The following FAM186A variants were observed in gnomAD, a reference collection of about 807,000 sequenced individuals.
FAM186A encodes protein FAM186A.
A neutral mutation model predicts 216.8 loss-of-function variants in FAM186A; 163 were observed. That is an observed-to-expected ratio of 0.75 (90% confidence interval 0.66 to 0.86). The LOEUF is 0.86. Ranked by LOEUF, FAM186A falls within the 40% of genes least tolerant of loss-of-function variation. The probability of loss-of-function intolerance (pLI) is 0.00; values close to 1 mark genes in which losing one functional copy is unlikely to be tolerated. For synonymous variants in FAM186A, 805 were observed against 1,025.3 expected, an observed-to-expected ratio of 0.79 and a Z score of 4.10; for missense variants, 2,184 against 2,746.2, an observed-to-expected ratio of 0.80 and a Z score of 4.58.
intron 4 of FAM186A, among the ~76,000 whole-genome samples, chr12:50,347,853 T>C (rs1942834775): frequency 1.3e-5 from 2 of 152,088 alleles, no homozygotes; most frequent in African/African-American, 4.8e-5. Context: ...AAATTTGCCA[T>C]GGCAACAACC....
intron 1 of FAM186A, among the ~76,000 whole-genome samples, chr12:50,373,095 AAAAG>A (rs1394501931): frequency 1.4e-4 from 18 of 132,046 alleles, no homozygotes; most frequent in African/African-American, 3.5e-4. Context: ...AGAAAGAAAG[AAAAG>A]AAAGAAAGAA....
intron 7 of FAM186A, among the ~76,000 whole-genome samples, chr12:50,329,126 GAATA>G (rs752260255): frequency 6.6e-6 from 1 of 151,896 alleles, no homozygotes; most frequent in African/African-American, 2.4e-5. Context: ...TCTCGAAAAT[GAATA>G]AATAAATAAA....
At chr12:50,389,894 T>C (rs1375047478) in intron 1 of FAM186A, among the ~76,000 whole-genome samples, 1 of 152,242 alleles carries the variant, frequency 6.6e-6, no homozygotes, top group Non-Finnish European at 1.5e-5. Context: ...TCCTTGATGA[T>C]GGCACTAATT....
chr12:50,371,950 T>C (rs10876028), intron 1 of FAM186A, among the ~76,000 whole-genome samples: 96,720 of 151,652 alleles, frequency 0.64, 31,449 homozygotes, highest in East Asian at 0.74. Flanking sequence ...GTAGCTGGGA[T>C]TACAGGCATG....
chr12:50,394,932 G>A (rs1943399144), intron 1 of FAM186A, among the ~76,000 whole-genome samples: 1 of 150,886 alleles, frequency 6.6e-6, no homozygotes, highest in African/African-American at 2.4e-5. Context: ...GTCTTGCTTT[G>A]TTGCCTGGGA....
chr12:50,367,705 A>G (rs1014014223), intron 1 of FAM186A, among the ~76,000 whole-genome samples: 1 of 151,754 alleles, frequency 6.6e-6, no homozygotes, highest in African/African-American at 2.4e-5. Context: ...ACACACACAC[A>G]CACACACAAA....
intron 7 of FAM186A, among the ~76,000 whole-genome samples, chr12:50,330,270 A>G (rs1018419719): frequency 1.3e-5 from 2 of 152,202 alleles, no homozygotes; most frequent in Admixed American, 6.5e-5. Context: ...TCTATTAACA[A>G]ATCCCCAAGG....
chr12:50,343,939 G>C (rs571841049), intron 4 of FAM186A, among the ~76,000 whole-genome samples: 2 of 143,968 alleles, frequency 1.4e-5, no homozygotes, highest in South Asian at 2.2e-4. Context: ...TTTTTGTAGA[G>C]ATGGGGTTTC....
intron 1 of FAM186A, among the ~76,000 whole-genome samples, chr12:50,374,710 C>T (rs1005350340): frequency 6.6e-6 from 1 of 152,156 alleles, no homozygotes; most frequent in African/African-American, 2.4e-5. Context: ...TAATGGTAAA[C>T]GTCTCAAGTG....
At chr12:50,365,771 G>T in intron 1 of FAM186A, 1 of 755,524 alleles carries the variant, frequency 1.3e-6, no homozygotes. Context: ...AGCTGAGACA[G>T]AAGTACAACA....
chr12:50,345,023 G>A (rs1201365612), intron 4 of FAM186A, among the ~76,000 whole-genome samples: 2 of 152,072 alleles, frequency 1.3e-5, no homozygotes, highest in African/African-American at 2.4e-5. Flanking sequence ...AGGCGAAGGC[G>A]GGTAGATCAC....
chr12:50,396,533 T>C lies in FAM186A; in HGVS notation c.-49A>G, dbSNP rs1943416199. The C allele has an allele frequency of 6.7e-7, 1 of 1,494,444 alleles. No individual in the cohort carries two copies. The highest frequency in any genetic ancestry group is 9.0e-7 in the Non-Finnish European group (1 of 1,114,238). The allele number at this position is 1,494,444 out of a possible 1,614,324, so 92.6% of individuals were successfully genotyped here. ...TTTATTTCTTCTTTTTCACAGAATC[T>C]ACAAAAATGCTAATAAAGATATCCA... On this transcript the variant is annotated 5_prime_UTR_variant, in exon 1 of 8. Transcript: ENST00000327337.
chr12:50,341,400 G>A (rs987060959), intron 4 of FAM186A, among the ~76,000 whole-genome samples: 2 of 152,162 alleles, frequency 1.3e-5, no homozygotes, highest in African/African-American at 4.8e-5. Flanking sequence ...TTAGAGAAGA[G>A]CTTTCTGAAA....
intron 7 of FAM186A, among the ~76,000 whole-genome samples, chr12:50,330,368 G>T (rs1942644418): frequency 6.6e-6 from 1 of 152,134 alleles, no homozygotes; most frequent in South Asian, 2.1e-4. Flanking sequence ...ATTCAGTGGT[G>T]ACATCTATAG....
At chr12:50,363,555 A>G (rs1380253546) in intron 1 of FAM186A, among the ~76,000 whole-genome samples, 191 bp from the exon 2 acceptor site, 1 of 152,088 alleles carries the variant, frequency 6.6e-6, no homozygotes, top group Non-Finnish European at 1.5e-5. Context: ...TCATCATCCT[A>G]GCAATGCTAT....
chr12:50,349,215 C>T (rs576829242), intron 4 of FAM186A, among the ~76,000 whole-genome samples: 6 of 148,308 alleles, frequency 4.0e-5, no homozygotes, highest in African/African-American at 1.2e-4. Context: ...CCATCCTTCT[C>T]TTTTTTTTTT....
intron 7 of FAM186A, 136 bp from the exon 8 acceptor site, chr12:50,327,540 CTTTTTTTTTT>C (rs781530836): frequency 4.2e-6 from 2 of 476,096 alleles, no homozygotes. Flanking sequence ...GTATGTAATC[CTTTTTTTTTT>C]TTTTTTTTTG....
chr12:50,340,691 AT>A (rs1438926310), intron 4 of FAM186A, among the ~76,000 whole-genome samples: 24 of 151,910 alleles, frequency 1.6e-4, no homozygotes, highest in Non-Finnish European at 2.6e-4. Context: ...AAAAAAAAAA[AT>A]GTTGATGAAT....
intron 5 of FAM186A, 60 bp downstream of exon 5, chr12:50,333,851 A>G (rs528859178): frequency 2.1e-6 from 3 of 1,457,194 alleles, no homozygotes; most frequent in Non-Finnish European, 2.8e-6. Context: ...GTCATTTACA[A>G]AGCTTACCAC....
Sources: gnomAD v4.1 joint callset for allele counts (sites outside exome capture counted in the v4.1 genomes callset) on GRCh38, gnomAD v4.1.1 for gene constraint, MANE v1.5 for transcripts, NCBI Gene and HGNC (gene_info 2026-07-23, HGNC 2026-07-21) for gene names.